Variants in FAS observed in about 807,000 individuals in gnomAD.
FAS encodes the protein tumor necrosis factor receptor superfamily member 6.
A neutral mutation model predicts 33.2 loss-of-function variants in FAS; 5 were observed. That is an observed-to-expected ratio of 0.15 (90% CI 0.08 to 0.32). The LOEUF (loss-of-function observed/expected upper bound fraction) is 0.32, where lower values mean the gene tolerates loss of function less well. FAS is among the 10% of genes least tolerant of loss of function. The pLI is 1.00. For missense variants in FAS, 339 were observed against 386.0 expected (o/e 0.88, Z 1.02); for synonymous variants, 131 against 130.7 (o/e 1.00, Z -0.01).
At chr10:89,003,789 G>T (rs550687144) in intron 2 of FAS, among the ~76,000 whole-genome samples, 1 of 152,212 alleles carries the variant, frequency 6.6e-6, no homozygotes, top group Non-Finnish European at 1.5e-5. Flanking sequence ...TAGAAGCTAA[G>T]CAAAATGCAA....
At chr10:88,975,839 C>T (rs190081563) in intron 2 of FAS, among the ~76,000 whole-genome samples, 9 of 152,220 alleles carry the variant, frequency 5.9e-5, no homozygotes, top group Admixed American at 4.6e-4. Flanking sequence ...TGCTTAGATT[C>T]GGGGAGTTTT....
chr10:89,014,797 C>A lies in FAS; in HGVS notation c.*347C>A, dbSNP rs1264865344. Reference sequence around the variant, plus strand: ...GTGTATGTTAGTACAAATGTCTATCCACAGGCTAACCCCACTCTATGAATC... The same window carrying A: ...GTGTATGTTAGTACAAATGTCTATCAACAGGCTAACCCCACTCTATGAATC... On this transcript the variant is annotated 3_prime_UTR_variant, in exon 9 of 9. Coordinates refer to ENST00000652046, the MANE Select transcript of FAS (RefSeq NM_000043.6). 2 of 551,366 alleles carry A rather than the reference C, an allele frequency of 3.6e-6. No individual in the cohort carries two copies. Among genetic ancestry groups the A allele is most frequent in the Admixed American group, 4.4e-5 (2 of 45,520 alleles). The allele number at this position is 551,366 out of a possible 1,614,324, so 34.2% of individuals were successfully genotyped here.
chr10:88,969,687 A>G (rs1362577579), intron 1 of FAS, among the ~76,000 whole-genome samples: 1 of 152,134 alleles, frequency 6.6e-6, no homozygotes, highest in Non-Finnish European at 1.5e-5. Context: ...TCCCAACTAT[A>G]TCTTTTCATA....
At chr10:89,013,118 C>A (rs1589487996) in intron 7 of FAS, among the ~76,000 whole-genome samples, 1 of 152,060 alleles carries the variant, frequency 6.6e-6, no homozygotes, top group East Asian at 1.9e-4. Context: ...CCTTTAAAAA[C>A]TAAGACAATA....
intron 1 of FAS, among the ~76,000 whole-genome samples, chr10:88,993,402 T>G (rs1465655290): frequency 4.6e-5 from 7 of 152,050 alleles, no homozygotes. Context: ...GCTTGCTAAT[T>G]GAAGGGATGT....
Position 89,014,831 on chromosome 10 carries a change from A to C in FAS, c.*381A>C, listed in dbSNP as rs777705197. 4 of 542,706 alleles carry C rather than the reference A, an allele frequency of 7.4e-6. No individual in the cohort carries two copies. The highest frequency in any genetic ancestry group is 1.8e-5 in the African/African-American group (1 of 54,246). The allele number at this position is 542,706 out of a possible 1,614,324, so 33.6% of individuals were successfully genotyped here. A position where few individuals can be genotyped will look rare whatever the true frequency, so the allele number is the denominator to read the frequency against. The stretch of plus-strand genomic sequence containing the variant: ...ACCCCACTCTATGAATCAATAGAAG[A>C]AGCTATGACCTTTTGCTGAAATATC... On this transcript the variant is annotated 3_prime_UTR_variant, in exon 9 of 9. Transcript: ENST00000652046.
chr10:88,967,215 G>C (rs1044700650), intron 1 of FAS, among the ~76,000 whole-genome samples: 3 of 152,146 alleles, frequency 2.0e-5, no homozygotes, highest in Admixed American at 2.0e-4. Flanking sequence ...AGAGCTCCCA[G>C]TTCTTTAAAC....
intron 6 of FAS, chr10:89,011,058 G>A: frequency 1.8e-6 from 1 of 558,760 alleles, no homozygotes; most frequent in Non-Finnish European, 3.2e-6. Flanking sequence ...ATGAACAGGT[G>A]TTCTCTGCAG....
At chr10:88,990,777 T>C, upstream of FAS, 2 of 1,501,728 alleles carry the variant, frequency 1.3e-6, no homozygotes, top group Non-Finnish European at 1.9e-6. The surrounding 1 kb of genome is among the most constrained non-coding windows in gnomAD (Gnocchi z 4.9). Context: ...AGGCCAGCCC[T>C]GGCTGCCCAG....
intron 1 of FAS, among the ~76,000 whole-genome samples, chr10:88,967,161 C>T (rs1341710474): frequency 6.6e-6 from 1 of 152,126 alleles, no homozygotes; most frequent in Admixed American, 6.5e-5. Flanking sequence ...CATTCACTTC[C>T]TTTTCCAACA....
At chr10:88,991,258 C>A (rs1349712357) in intron 1 of FAS, 2 of 463,068 alleles carry the variant, frequency 4.3e-6, no homozygotes, top group African/African-American at 4.0e-5. Context: ...GTCTGGGAAG[C>A]TTTAGGGTCG....
At chr10:88,989,024 G>C (rs1847013045), upstream of FAS, among the ~76,000 whole-genome samples, 1 of 152,166 alleles carries the variant, frequency 6.6e-6, no homozygotes, top group Non-Finnish European at 1.5e-5. Context: ...GCAGGACCTT[G>C]GGAGCAAGAA....
intron 2 of FAS, chr10:88,973,498 A>G: frequency 1.5e-6 from 1 of 666,408 alleles, no homozygotes; most frequent in Non-Finnish European, 2.2e-6. Context: ...TCAAGTACTC[A>G]TGGATGTGAG....
At chr10:88,988,518 A>T (rs1468041503), upstream of FAS, among the ~76,000 whole-genome samples, 9 of 149,638 alleles carry the variant, frequency 6.0e-5, no homozygotes. Context: ...AGAAACCAGG[A>T]TATCTTTTGA....
intron 1 of FAS, among the ~76,000 whole-genome samples, chr10:88,999,107 C>T (rs1473743236): frequency 2.0e-5 from 3 of 151,194 alleles, no homozygotes; most frequent in Non-Finnish European, 4.4e-5. Flanking sequence ...GAGCCGAGAT[C>T]GCGCCACTGC....
upstream of FAS, among the ~76,000 whole-genome samples, chr10:88,983,629 AAAAAAAAAAAC>A (rs1846773089): frequency 4.1e-5 from 6 of 147,766 alleles, no homozygotes; most frequent in African/African-American, 1.5e-4. Context: ...AAAAAAAAAA[AAAAAAAAAAAC>A]ACACACACAC....
chr10:88,976,927 T>G (rs1308993609), intron 2 of FAS, among the ~76,000 whole-genome samples: 2 of 152,098 alleles, frequency 1.3e-5, no homozygotes, highest in Admixed American at 6.5e-5. Flanking sequence ...GTGCTTGAGA[T>G]CCTTATATCT....
At chr10:88,993,607 A>G (rs963957852) in intron 1 of FAS, among the ~76,000 whole-genome samples, 1 of 152,250 alleles carries the variant, frequency 6.6e-6, no homozygotes, top group African/African-American at 2.4e-5. Flanking sequence ...CCTTTGGAAA[A>G]TAAAGCTGTG....
intron 2 of FAS, among the ~76,000 whole-genome samples, chr10:88,975,585 T>C (rs1316077265): frequency 6.6e-6 from 1 of 151,822 alleles, no homozygotes. Context: ...GCTCTGGGCT[T>C]AGGAAAATGG....
Sources: gnomAD v4.1 joint callset for allele counts (sites outside exome capture counted in the v4.1 genomes callset) on GRCh38, gnomAD v4.1.1 for gene constraint, Gnocchi (gnomAD v3.1) non-coding constraint, MANE v1.5 for transcripts, NCBI Gene and HGNC (gene_info 2026-07-23, HGNC 2026-07-21) for gene names.